The following TOX variants were observed in gnomAD, a reference collection of about 807,000 sequenced individuals.
TOX encodes thymocyte selection-associated high mobility group box protein TOX.
In TOX, 11 loss-of-function variants were observed where a neutral mutation model predicts 53.7. That is an observed-to-expected ratio of 0.20 (90% CI 0.13 to 0.34). TOX has a LOEUF of 0.34. Ranked by LOEUF, TOX falls within the 10% of genes least tolerant of loss-of-function variation. The pLI is 1.00. For missense variants in TOX, 570 were observed against 664.6 expected (o/e 0.86, Z 1.56); for synonymous variants, 225 against 245.3 (o/e 0.92, Z 0.77).
chr8:59,038,534 G>GA (rs1457196043), intron 1 of TOX, among the ~76,000 whole-genome samples: 1 of 152,070 alleles, frequency 6.6e-6, no homozygotes, highest in Non-Finnish European at 1.5e-5. Flanking sequence ...CTGTTTCAGA[G>GA]AGATTATACT....
At chr8:58,902,579 T>A (rs1302034020) in intron 3 of TOX, among the ~76,000 whole-genome samples, 1 of 152,212 alleles carries the variant, frequency 6.6e-6, no homozygotes, top group East Asian at 1.9e-4. Context: ...GCATTTGGCA[T>A]CATGGAACTT....
chr8:58,937,940 G>A (rs1204219310), intron 3 of TOX, among the ~76,000 whole-genome samples: 2 of 152,036 alleles, frequency 1.3e-5, no homozygotes, highest in African/African-American at 4.8e-5. Flanking sequence ...ACATTTTTCA[G>A]CTTTACACAT....
intron 3 of TOX, among the ~76,000 whole-genome samples, chr8:58,926,358 T>A (rs1016891317): frequency 1.3e-5 from 2 of 152,164 alleles, no homozygotes; most frequent in African/African-American, 4.8e-5. Flanking sequence ...GACATGAGTA[T>A]GCTGCTCCCT....
chr8:58,924,647 T>C (rs762354079), intron 3 of TOX, among the ~76,000 whole-genome samples: 4 of 152,262 alleles, frequency 2.6e-5, no homozygotes, highest in African/African-American at 7.2e-5. Context: ...GAGAATCTAC[T>C]ATTTTATGCA....
chr8:58,968,071 A>G (rs1457213398), intron 1 of TOX, among the ~76,000 whole-genome samples: 1 of 152,240 alleles, frequency 6.6e-6, no homozygotes. Context: ...TGCCTATATC[A>G]TGAAAGCATT....
intron 2 of TOX, among the ~76,000 whole-genome samples, chr8:58,948,483 T>C (rs1812561653): frequency 6.6e-6 from 1 of 152,128 alleles, no homozygotes; most frequent in South Asian, 2.1e-4. Context: ...GGGCCTCTCC[T>C]TTGGCTAAAA....
rs1813990914 is a variant in TOX at position 59,015,497 on chromosome 8, A to T, written c.103-55489T>A. Among the ~76,000 whole-genome samples the T allele has an allele frequency of 3.3e-5, 5 of 152,338 alleles. No individual in the cohort carries two copies. In the South Asian group the frequency reaches 1.0e-3, roughly 32 times the overall value. On this transcript the variant is annotated intron_variant, in intron 1 of 8. Coordinates refer to ENST00000361421, the MANE Select transcript of TOX (RefSeq NM_014729.3). ...CAAGAATACATTATTGCAAAATGAT[A>T]TTTATTTCCACAATCTTCACAGCTG...
At chr8:58,914,162 G>A (rs1267405269) in intron 3 of TOX, among the ~76,000 whole-genome samples, 1 of 152,232 alleles carries the variant, frequency 6.6e-6, no homozygotes. Flanking sequence ...AGTGAAGTAT[G>A]ATGGGAAGAA....
intron 2 of TOX, among the ~76,000 whole-genome samples, chr8:58,953,175 C>T (rs1298047116): frequency 1.3e-5 from 2 of 151,978 alleles, no homozygotes; most frequent in African/African-American, 4.8e-5. Context: ...ACCTAAAGTT[C>T]AACAACATCA....
At chr8:58,998,708 T>C (rs368713294) in intron 1 of TOX, among the ~76,000 whole-genome samples, 1 of 149,392 alleles carries the variant, frequency 6.7e-6, no homozygotes, top group African/African-American at 2.5e-5. Flanking sequence ...CTAGAAGGTA[T>C]ATCTGGTCCA....
chr8:58,957,627 A>G (rs1412441391), intron 2 of TOX, among the ~76,000 whole-genome samples: 1 of 152,210 alleles, frequency 6.6e-6, no homozygotes, highest in Non-Finnish European at 1.5e-5. Flanking sequence ...GCTTGCAGCA[A>G]CATCACAGGA....
chr8:59,069,300 A>C (rs1382863011), intron 1 of TOX, among the ~76,000 whole-genome samples: 1 of 152,184 alleles, frequency 6.6e-6, no homozygotes, highest in Non-Finnish European at 1.5e-5. Context: ...CCCTCCGTGG[A>C]TGCTGGCTGG....
chr8:58,879,915 A>C (rs1421810175), intron 3 of TOX, among the ~76,000 whole-genome samples: 2 of 152,196 alleles, frequency 1.3e-5, no homozygotes, highest in East Asian at 3.8e-4. Flanking sequence ...CCCATTTTTA[A>C]TACTTTGCTT....
intron 4 of TOX, among the ~76,000 whole-genome samples, chr8:58,841,350 G>A (rs149551997): frequency 5.3e-5 from 8 of 152,252 alleles, no homozygotes; most frequent in Non-Finnish European, 8.8e-5. Context: ...CCACTAGCAC[G>A]TATCATGGTC....
chr8:58,839,542 C>G (rs1225883923), intron 4 of TOX, among the ~76,000 whole-genome samples: 2 of 152,164 alleles, frequency 1.3e-5, no homozygotes, highest in African/African-American at 4.8e-5. Context: ...TTGTTACTAA[C>G]TAGATGTGAT....
chr8:59,001,101 A>C (rs1813681068), intron 1 of TOX, among the ~76,000 whole-genome samples: 1 of 152,210 alleles, frequency 6.6e-6, no homozygotes, highest in Admixed American at 6.5e-5. Flanking sequence ...TCTCTCAAGC[A>C]GAAGTAAGTC....
chr8:59,047,285 C>A (rs893390273), intron 1 of TOX, among the ~76,000 whole-genome samples: 1 of 136,344 alleles, frequency 7.3e-6, no homozygotes, highest in Non-Finnish European at 1.5e-5. Context: ...GGCACGATCT[C>A]GGCTCACTGC....
Position 58,807,416 on chromosome 8 carries a change from A to G in TOX, c.*331T>C, listed in dbSNP as rs945409366. The G allele has an allele frequency of 1.2e-5, 3 of 258,618 alleles. No individual in the cohort carries two copies. The highest frequency in any genetic ancestry group is 4.8e-5 in the Admixed American group (1 of 20,718). 16.0% of individuals were successfully genotyped at this position (258,618 alleles called of 1,614,324 possible). A position where few individuals can be genotyped will look rare whatever the true frequency, so the allele number is the denominator to read the frequency against. On this transcript the variant is annotated 3_prime_UTR_variant, in exon 9 of 9. Transcript: ENST00000361421. Reference sequence around the variant, plus strand: ...ATATAAACACCCATTATGAAAACCAATGGAAAATCCAGGACTTTTATCCGA... The same window carrying G: ...ATATAAACACCCATTATGAAAACCAGTGGAAAATCCAGGACTTTTATCCGA...
intron 3 of TOX, among the ~76,000 whole-genome samples, chr8:58,880,132 G>A (rs986344933): frequency 6.6e-6 from 1 of 152,188 alleles, no homozygotes; most frequent in Non-Finnish European, 1.5e-5. Flanking sequence ...TGGGACAAGG[G>A]ACAACTGTAA....
Sources: allele counts gnomAD v4.1 joint callset (sites outside exome capture counted in the v4.1 genomes callset), GRCh38; gene constraint gnomAD v4.1.1; transcripts MANE v1.5; gene names NCBI Gene and HGNC (gene_info 2026-07-23, HGNC 2026-07-21).